The following ROBO2 variants were observed in gnomAD, a reference collection of about 807,000 sequenced individuals.
ROBO2 encodes roundabout guidance receptor 2.
In ROBO2, 53 loss-of-function variants were observed where a neutral mutation model predicts 160.8. That is an observed-to-expected ratio of 0.33 (90% CI 0.26 to 0.41). The LOEUF is 0.41. ROBO2 is among the 10% of genes least tolerant of loss of function. The probability of loss-of-function intolerance (pLI) is 1.00; values close to 1 mark genes in which losing one functional copy is unlikely to be tolerated. For missense variants in ROBO2, 1,577 were observed against 1,722.4 expected, an observed-to-expected ratio of 0.92 and a Z score of 1.49; for synonymous variants, 664 against 611.7, an observed-to-expected ratio of 1.09 and a Z score of -1.26.
chr3:76,452,059 C>T (rs999269468), intron 2 of ROBO2, among the ~76,000 whole-genome samples: 3 of 152,034 alleles, frequency 2.0e-5, no homozygotes, highest in Non-Finnish European at 4.4e-5. Flanking sequence ...AACTTGCAAA[C>T]GTTTGTCTTT....
intron 2 of ROBO2, among the ~76,000 whole-genome samples, chr3:76,502,155 A>G (rs1480007335): frequency 6.6e-6 from 1 of 152,204 alleles, no homozygotes; most frequent in Non-Finnish European, 1.5e-5. Context: ...TTGTTAGGAC[A>G]ATGCAGAGAC....
chr3:77,029,553 C>T (rs2063183568), intron 2 of ROBO2, among the ~76,000 whole-genome samples: 2 of 152,120 alleles, frequency 1.3e-5, no homozygotes, highest in South Asian at 4.1e-4. Flanking sequence ...TCTGTGATAA[C>T]CTTTACTACA....
intron 16 of ROBO2, among the ~76,000 whole-genome samples, chr3:77,585,706 G>C (rs80010678): frequency 6.6e-6 from 1 of 151,972 alleles, no homozygotes; most frequent in East Asian, 1.9e-4. Flanking sequence ...ATCTACTCTT[G>C]TACTGAGAAG....
intron 2 of ROBO2, among the ~76,000 whole-genome samples, chr3:77,190,749 G>A (rs977535565): frequency 2.0e-5 from 3 of 151,940 alleles, no homozygotes; most frequent in Non-Finnish European, 4.4e-5. Flanking sequence ...TTAGTGCCTG[G>A]ACTCCTGGTC....
intron 2 of ROBO2, among the ~76,000 whole-genome samples, chr3:76,377,920 TAATTTGGTTCCTG>T (rs1399214913): frequency 6.6e-6 from 1 of 152,150 alleles, no homozygotes; most frequent in African/African-American, 2.4e-5. Flanking sequence ...CAGTGGCATG[TAATTTGGTTCCTG>T]AACACTAATG....
At chr3:75,917,977 G>A (rs1223079475) in intron 1 of ROBO2, among the ~76,000 whole-genome samples, 1 of 151,974 alleles carries the variant, frequency 6.6e-6, no homozygotes, top group East Asian at 1.9e-4. Flanking sequence ...CTCATATTTT[G>A]TAGTTTGCCT....
intron 2 of ROBO2, among the ~76,000 whole-genome samples, chr3:76,620,949 C>T (rs1431939948): frequency 6.6e-6 from 1 of 152,118 alleles, no homozygotes; most frequent in South Asian, 2.1e-4. Flanking sequence ...ATATCCAAAT[C>T]ATTAGAAACA....
chr3:77,204,809 C>T (rs982998823), intron 2 of ROBO2, among the ~76,000 whole-genome samples: 1 of 152,192 alleles, frequency 6.6e-6, no homozygotes, highest in African/African-American at 2.4e-5. Flanking sequence ...TGTAATACTG[C>T]CCAATTAAAT....
chr3:76,181,020 C>A (rs569644949), intron 2 of ROBO2, among the ~76,000 whole-genome samples: 1 of 152,270 alleles, frequency 6.6e-6, no homozygotes, highest in African/African-American at 2.4e-5. Context: ...ACCATTTCTA[C>A]AGTCTACATG....
chr3:76,382,219 C>T (rs777874342), intron 2 of ROBO2, among the ~76,000 whole-genome samples: 25 of 152,168 alleles, frequency 1.6e-4, no homozygotes, highest in Non-Finnish European at 2.9e-4. Context: ...CTGCCTACCT[C>T]GGCCTCTCAA....
intron 2 of ROBO2, among the ~76,000 whole-genome samples, chr3:76,570,751 C>A (rs2084906032): frequency 6.6e-6 from 1 of 152,078 alleles, no homozygotes; most frequent in Non-Finnish European, 1.5e-5. Flanking sequence ...GTGCAAGAAT[C>A]GTCAAAAATG....
chr3:77,545,550 GT>G (rs1286974003), intron 6 of ROBO2, among the ~76,000 whole-genome samples: 1 of 152,056 alleles, frequency 6.6e-6, no homozygotes, highest in Non-Finnish European at 1.5e-5. Context: ...TCTTAGATAA[GT>G]GTTGATTTAA....
intron 2 of ROBO2, among the ~76,000 whole-genome samples, chr3:77,362,429 A>AT (rs1440810751): frequency 1.3e-5 from 2 of 152,126 alleles, no homozygotes; most frequent in Non-Finnish European, 2.9e-5. Flanking sequence ...GAACAGAGTG[A>AT]TTAGGTATCA....
At chr3:76,803,464 A>G (rs918538583) in intron 2 of ROBO2, among the ~76,000 whole-genome samples, 341 of 48,976 alleles carry the variant, frequency 7.0e-3, no homozygotes, top group African/African-American at 0.014. Flanking sequence ...AGGAAGGAAG[A>G]AAGGAAGGAA....
At chr3:76,898,404 T>C (rs2074974191) in intron 2 of ROBO2, among the ~76,000 whole-genome samples, 1 of 152,104 alleles carries the variant, frequency 6.6e-6, no homozygotes, top group African/African-American at 2.4e-5. Context: ...GACTTACTCT[T>C]AAGATGGCAC....
intron 2 of ROBO2, chr3:76,434,192 T>A: frequency 9.0e-7 from 1 of 1,114,526 alleles, no homozygotes; most frequent in Middle Eastern, 2.3e-4. Context: ...GTAAAGAGAC[T>A]GGGGGAGACG....
chr3:76,697,196 G>A (rs1005100532), intron 2 of ROBO2, among the ~76,000 whole-genome samples: 2 of 152,144 alleles, frequency 1.3e-5, no homozygotes, highest in African/African-American at 2.4e-5. Context: ...AACCATGGAA[G>A]AGAGTTATTA....
chr3:76,506,375 G>A (rs1484381996), intron 2 of ROBO2, among the ~76,000 whole-genome samples: 4 of 152,042 alleles, frequency 2.6e-5, no homozygotes, highest in South Asian at 2.1e-4. Flanking sequence ...TGCTGTGCCC[G>A]AGTGGCACCA....
intron 2 of ROBO2, among the ~76,000 whole-genome samples, chr3:76,899,841 T>A (rs2075093147): frequency 6.6e-6 from 1 of 152,120 alleles, no homozygotes; most frequent in Non-Finnish European, 1.5e-5. Flanking sequence ...ATGATGCTCA[T>A]AAGTATATGT....
Sources: allele counts gnomAD v4.1 joint callset (sites outside exome capture counted in the v4.1 genomes callset), GRCh38; gene constraint gnomAD v4.1.1; transcripts MANE v1.5; gene names NCBI Gene and HGNC (gene_info 2026-07-23, HGNC 2026-07-21).